The following ITGA11 variants were observed in gnomAD, a reference collection of about 807,000 sequenced individuals.
ITGA11 encodes integrin alpha-11.
A neutral mutation model predicts 141.9 loss-of-function variants in ITGA11; 97 were observed. That is an observed-to-expected ratio of 0.68 (90% CI 0.58 to 0.81). The LOEUF is 0.81. ITGA11 is among the 30% of genes least tolerant of loss of function. The pLI, the probability that ITGA11 is intolerant of heterozygous loss-of-function variation, is 0.00. For synonymous variants in ITGA11, 658 were observed against 624.6 expected (o/e 1.05, Z -0.80); for missense variants, 1,387 against 1,559.2 (o/e 0.89, Z 1.86).
chr15:68,339,709 C>T, intron 10 of ITGA11, 65 bp from the exon 11 acceptor site: 5 of 1,595,860 alleles, frequency 3.1e-6, no homozygotes, highest in Non-Finnish European at 4.3e-6. Context: ...GGAGCCACAT[C>T]AGGTCCTATG....
intron 7 of ITGA11, among the ~76,000 whole-genome samples, chr15:68,356,529 C>T (rs924228686): frequency 3.9e-5 from 6 of 152,214 alleles, no homozygotes; most frequent in Admixed American, 3.3e-4. Context: ...CCTCACAGAA[C>T]CTACTTCTTA....
At chr15:68,345,254 G>C (rs967450722) in intron 10 of ITGA11, among the ~76,000 whole-genome samples, 1 of 152,164 alleles carries the variant, frequency 6.6e-6, no homozygotes. Context: ...TCTAAAGTCT[G>C]ACCAGGGATC....
chr15:68,315,086 C>T (rs7181198), intron 22 of ITGA11, among the ~76,000 whole-genome samples: 14,107 of 152,070 alleles, frequency 0.093, 798 homozygotes, highest in African/African-American at 0.17. Context: ...GACAGGAAGA[C>T]CCACATAGAG....
intron 16 of ITGA11, among the ~76,000 whole-genome samples, chr15:68,327,134 T>A (rs1894002042): frequency 6.6e-6 from 1 of 151,890 alleles, no homozygotes; most frequent in Non-Finnish European, 1.5e-5. Flanking sequence ...CCCCTCCGCC[T>A]CTCCCTCCAC....
chr15:68,314,934 T>G (rs1403018549), intron 22 of ITGA11, among the ~76,000 whole-genome samples: 1 of 152,106 alleles, frequency 6.6e-6, no homozygotes, highest in Non-Finnish European at 1.5e-5. Context: ...GGCTCCAGAG[T>G]GGACACAATC....
chr15:68,331,565 G>A (rs530937336), intron 14 of ITGA11, among the ~76,000 whole-genome samples: 19 of 151,286 alleles, frequency 1.3e-4, no homozygotes, highest in Admixed American at 2.0e-4. Flanking sequence ...GCATGTGTGC[G>A]CGTCTCGGGG....
chr15:68,339,405 A>C, intron 11 of ITGA11, 95 bp downstream of exon 11: 3 of 1,369,740 alleles, frequency 2.2e-6, no homozygotes, highest in Non-Finnish European at 3.0e-6. Context: ...TATACACAGC[A>C]GGCCCCTCAC....
At chr15:68,418,299 A>G (rs1896935067) in intron 1 of ITGA11, among the ~76,000 whole-genome samples, 1 of 152,224 alleles carries the variant, frequency 6.6e-6, no homozygotes. Context: ...GGCTTCTAAG[A>G]CACTAACCTT....
chr15:68,387,430 G>A (rs1357398717), intron 2 of ITGA11, among the ~76,000 whole-genome samples: 1 of 152,142 alleles, frequency 6.6e-6, no homozygotes, highest in East Asian at 1.9e-4. Context: ...GGAAGTTCTA[G>A]AAAAGCACAT....
chr15:68,359,454 T>G (rs1895174896), intron 5 of ITGA11, among the ~76,000 whole-genome samples: 1 of 152,210 alleles, frequency 6.6e-6, no homozygotes. Flanking sequence ...GAGACCAGCC[T>G]TGCCAACATG....
intron 2 of ITGA11, among the ~76,000 whole-genome samples, chr15:68,392,045 C>G (rs1337068245): frequency 6.6e-6 from 1 of 152,168 alleles, no homozygotes; most frequent in African/African-American, 2.4e-5. Context: ...TGAGCACCTA[C>G]TAAACACCAG....
chr15:68,359,140 C>T (rs937707967), intron 5 of ITGA11, among the ~76,000 whole-genome samples: 1 of 152,112 alleles, frequency 6.6e-6, no homozygotes, highest in Non-Finnish European at 1.5e-5. Flanking sequence ...TAAAGAGTTG[C>T]CTAGAGTAAT....
At chr15:68,355,602 A>G (rs976641719) in intron 7 of ITGA11, among the ~76,000 whole-genome samples, 2 of 151,898 alleles carry the variant, frequency 1.3e-5, no homozygotes, top group African/African-American at 2.4e-5. Context: ...ATGTACCACC[A>G]TGCCTGGCTA....
chr15:68,400,616 T>A (rs1269451725), intron 2 of ITGA11, among the ~76,000 whole-genome samples: 1 of 93,828 alleles, frequency 1.1e-5, no homozygotes, highest in Non-Finnish European at 2.0e-5. Context: ...ATATATAATA[T>A]ATATTATATA....
intron 2 of ITGA11, among the ~76,000 whole-genome samples, chr15:68,401,444 T>C (rs1896508316): frequency 6.6e-6 from 1 of 152,062 alleles, no homozygotes; most frequent in Non-Finnish European, 1.5e-5. Context: ...TAGCCCAAAA[T>C]GGAAACAATC....
chr15:68,310,856 G>A (rs1893355304), intron 26 of ITGA11, 138 bp downstream of exon 26: 1 of 650,392 alleles, frequency 1.5e-6, no homozygotes, highest in Non-Finnish European at 2.7e-6. Context: ...TTTTTTCTTG[G>A]TTTGGGGCTG....
chr15:68,390,511 A>G (rs1896091747), intron 2 of ITGA11, among the ~76,000 whole-genome samples: 1 of 152,108 alleles, frequency 6.6e-6, no homozygotes, highest in African/African-American at 2.4e-5. Context: ...TCTCCCTGCT[A>G]GAGTCCCCTG....
chr15:68,418,027 G>A (rs1198678806), intron 1 of ITGA11, among the ~76,000 whole-genome samples: 3 of 152,210 alleles, frequency 2.0e-5, no homozygotes, highest in Non-Finnish European at 4.4e-5. Flanking sequence ...CTGCATACAA[G>A]AGCTGATTGT....
chr15:68,311,729 G>A (rs1595851661), intron 24 of ITGA11, among the ~76,000 whole-genome samples: 1 of 152,198 alleles, frequency 6.6e-6, no homozygotes, highest in East Asian at 1.9e-4. Flanking sequence ...TTTTGTTGAG[G>A]CCAGGGGTGA....
Sources: gnomAD v4.1 joint callset for allele counts (sites outside exome capture counted in the v4.1 genomes callset) on GRCh38, gnomAD v4.1.1 for gene constraint, MANE v1.5 for transcripts, NCBI Gene and HGNC (gene_info 2026-07-23, HGNC 2026-07-21) for gene names.